The following SAMD5 variants were observed in gnomAD, a reference collection of about 807,000 sequenced individuals.
SAMD5 encodes the protein sterile alpha motif domain containing 5.
In SAMD5, 13 loss-of-function variants were observed where a neutral mutation model predicts 11.3. That is an observed-to-expected ratio of 1.15 (90% CI 0.75 to 1.83). The LOEUF (loss-of-function observed/expected upper bound fraction) is 1.83, where lower values mean the gene tolerates loss of function less well. Ranked by LOEUF, SAMD5 falls within the 40% of genes most tolerant of loss-of-function variation. The probability of loss-of-function intolerance (pLI) is 0.00; values close to 1 mark genes in which losing one functional copy is unlikely to be tolerated. For missense variants in SAMD5, 255 were observed against 239.1 expected (o/e 1.07, Z -0.44); for synonymous variants, 129 against 111.3 (o/e 1.16, Z -1.00).
chr6:147,841,393 T>C, the SAMD5 span, among the ~76,000 whole-genome samples: 1 of 152,142 alleles, frequency 6.6e-6, no homozygotes, highest in South Asian at 2.1e-4. Flanking sequence ...AATAAAACCA[T>C]GCAGGTTGTT....
At chr6:147,588,617 C>T (rs964630837) in intron 1 of SAMD5, among the ~76,000 whole-genome samples, 9 of 151,894 alleles carry the variant, frequency 5.9e-5, no homozygotes, top group Admixed American at 1.3e-4. Flanking sequence ...TGAGCCACCG[C>T]GCCCAGCCTG....
the SAMD5 span, among the ~76,000 whole-genome samples, chr6:147,947,744 C>T: frequency 6.6e-6 from 1 of 152,286 alleles, no homozygotes; most frequent in South Asian, 2.1e-4. Context: ...AGCCCAGGGG[C>T]TGATTAAGTG....
At chr6:147,677,698 G>A (rs1005778647) in intron 1 of SAMD5, among the ~76,000 whole-genome samples, 3 of 152,034 alleles carry the variant, frequency 2.0e-5, no homozygotes, top group African/African-American at 4.8e-5. Context: ...GATGGCGGGC[G>A]GGGGCTTGGG....
At chr6:147,539,049 G>A (rs11155501) in intron 1 of SAMD5, among the ~76,000 whole-genome samples, 6,860 of 152,206 alleles carry the variant, frequency 0.045, 471 homozygotes, top group African/African-American at 0.14. Context: ...AGGGTGGAGC[G>A]CTTGGAGCAA....
At chr6:147,515,673 T>C (rs1050203023) in intron 1 of SAMD5, among the ~76,000 whole-genome samples, 1 of 152,096 alleles carries the variant, frequency 6.6e-6, no homozygotes, top group Non-Finnish European at 1.5e-5. Flanking sequence ...TGCTAGGCTT[T>C]AAGATCACAA....
At chr6:147,800,512 CTG>C in the SAMD5 span, among the ~76,000 whole-genome samples, 1 of 152,214 alleles carries the variant, frequency 6.6e-6, no homozygotes, top group South Asian at 2.1e-4. Flanking sequence ...GAGGTTACTG[CTG>C]TCTCTTTGTT....
chr6:147,922,034 A>C, the SAMD5 span, among the ~76,000 whole-genome samples: 1 of 152,200 alleles, frequency 6.6e-6, no homozygotes, highest in East Asian at 1.9e-4. Context: ...TGATCTTACA[A>C]GCATCATAAC....
chr6:147,603,320 CT>C (rs1188105689), intron 1 of SAMD5, among the ~76,000 whole-genome samples: 1 of 152,146 alleles, frequency 6.6e-6, no homozygotes, highest in East Asian at 1.9e-4. Context: ...AATAATTTTT[CT>C]GAGCATGGAG....
chr6:147,874,320 T>C, the SAMD5 span, among the ~76,000 whole-genome samples: 1 of 152,230 alleles, frequency 6.6e-6, no homozygotes, highest in Admixed American at 6.5e-5. Flanking sequence ...CTCTCTCGGG[T>C]AAAGGAAGAA....
chr6:147,884,705 A>G, the SAMD5 span, among the ~76,000 whole-genome samples: 10 of 152,178 alleles, frequency 6.6e-5, no homozygotes, highest in African/African-American at 2.4e-4. Context: ...GGCTAATCTT[A>G]TTTTAATTTA....
At chr6:147,601,294 T>C (rs907439899) in intron 1 of SAMD5, among the ~76,000 whole-genome samples, 1 of 152,064 alleles carries the variant, frequency 6.6e-6, no homozygotes, top group Non-Finnish European at 1.5e-5. Context: ...GTTTATAGAT[T>C]ATAAATGTAC....
the SAMD5 span, among the ~76,000 whole-genome samples, chr6:147,776,104 G>T: frequency 1.9e-4 from 29 of 152,298 alleles, no homozygotes; most frequent in African/African-American, 6.7e-4. Context: ...TGAGGGAAGT[G>T]ATATTACTTT....
chr6:147,629,935 T>C (rs952608625), intron 1 of SAMD5, among the ~76,000 whole-genome samples: 7 of 148,686 alleles, frequency 4.7e-5, no homozygotes, highest in Non-Finnish European at 8.9e-5. Context: ...TCACGACCCA[T>C]AGGTTTTCTT....
chr6:147,841,191 C>T, the SAMD5 span, among the ~76,000 whole-genome samples: 3 of 152,112 alleles, frequency 2.0e-5, no homozygotes, highest in Admixed American at 6.5e-5. Context: ...TCATTATCTG[C>T]GTTTTGATAT....
chr6:147,537,507 C>A (rs1788527691), intron 1 of SAMD5, among the ~76,000 whole-genome samples: 1 of 152,088 alleles, frequency 6.6e-6, no homozygotes, highest in African/African-American at 2.4e-5. Flanking sequence ...AATCCCAGCA[C>A]TTTGGGAGGC....
At chr6:147,819,864 A>T in the SAMD5 span, among the ~76,000 whole-genome samples, 25 of 152,352 alleles carry the variant, frequency 1.6e-4, 1 homozygote, top group South Asian at 1.4e-3. Context: ...GCAGCTAAGG[A>T]GAGGCAGGGT....
Position 147,566,015 on chromosome 6 carries a change from T to C in SAMD5, c.*1559T>C. On this transcript the variant is annotated 3_prime_UTR_variant, in exon 2 of 2. Coordinates refer to ENST00000367474, the MANE Select transcript of SAMD5 (RefSeq NM_001030060.3). ...CAAAGGAAAAGAAACTTACATTCAC[T>C]TTTTCCTGGTCCATTTTGGTTCCTA... The C allele has an allele frequency of 1.0e-6, 1 of 985,246 alleles. No homozygotes were observed. The highest frequency in any genetic ancestry group is 1.2e-6 in the Non-Finnish European group (1 of 829,796). The allele number at this position is 985,246 out of a possible 1,614,324, so 61.0% of individuals were successfully genotyped here.
At chr6:147,678,125 G>A (rs1462474148) in intron 1 of SAMD5, among the ~76,000 whole-genome samples, 1 of 151,966 alleles carries the variant, frequency 6.6e-6, no homozygotes, top group African/African-American at 2.4e-5. Context: ...TATTTTATAC[G>A]CCTGACTTAA....
At chr6:147,839,232 T>C in the SAMD5 span, among the ~76,000 whole-genome samples, 1 of 152,314 alleles carries the variant, frequency 6.6e-6, no homozygotes, top group East Asian at 1.9e-4. Flanking sequence ...CACATCCTAT[T>C]CTTTTCTCAT....
Sources: gnomAD v4.1 joint callset for allele counts (sites outside exome capture counted in the v4.1 genomes callset) on GRCh38, gnomAD v4.1.1 for gene constraint, MANE v1.5 for transcripts, NCBI Gene and HGNC (gene_info 2026-07-23, HGNC 2026-07-21) for gene names.